Variants in ST6GALNAC3 observed in about 807,000 individuals in gnomAD.
ST6GALNAC3 encodes the protein ST6 N-acetylgalactosaminide alpha-2,6-sialyltransferase 3.
A neutral mutation model predicts 32.7 loss-of-function variants in ST6GALNAC3; 25 were observed. The ratio of observed to expected loss-of-function variants is 0.76; its 90% confidence interval spans 0.56 to 1.07. ST6GALNAC3 has a LOEUF of 1.07. Among genes scored for constraint, ST6GALNAC3 ranks in the 50% least tolerant of loss-of-function variants. The pLI is 0.00. For missense variants in ST6GALNAC3, 355 were observed against 382.4 expected, an observed-to-expected ratio of 0.93 and a Z score of 0.60; for synonymous variants, 129 against 133.1, an observed-to-expected ratio of 0.97 and a Z score of 0.21.
intron 3 of ST6GALNAC3, among the ~76,000 whole-genome samples, chr1:76,615,132 G>C (rs1177030757): frequency 6.6e-6 from 1 of 152,080 alleles, no homozygotes; most frequent in African/African-American, 2.4e-5. Context: ...CAATGATAAG[G>C]AGGGAGCTGA....
intron 3 of ST6GALNAC3, among the ~76,000 whole-genome samples, chr1:76,447,672 T>A (rs1657080642): frequency 6.6e-6 from 1 of 152,132 alleles, no homozygotes; most frequent in Admixed American, 6.5e-5. Context: ...GTGTTCCAGC[T>A]GCTCCAGCAT....
At chr1:76,561,710 G>A (rs1045078850) in intron 3 of ST6GALNAC3, among the ~76,000 whole-genome samples, 2 of 152,124 alleles carry the variant, frequency 1.3e-5, no homozygotes, top group Non-Finnish European at 1.5e-5. Context: ...ACATAGTCTA[G>A]CGGTTCCTTA....
intron 3 of ST6GALNAC3, among the ~76,000 whole-genome samples, chr1:76,484,953 G>C (rs952728513): frequency 1.3e-5 from 2 of 152,100 alleles, no homozygotes; most frequent in African/African-American, 4.8e-5. Flanking sequence ...TTTCGTCAAA[G>C]GCCTTTTCTG....
chr1:76,313,104 CAG>C (rs1204910951), intron 1 of ST6GALNAC3, among the ~76,000 whole-genome samples: 2 of 152,134 alleles, frequency 1.3e-5, no homozygotes, highest in East Asian at 3.9e-4. Context: ...ATAGCACAGG[CAG>C]AGTTTCCTAC....
chr1:76,085,158 T>G (rs1236193496), intron 1 of ST6GALNAC3, among the ~76,000 whole-genome samples: 1 of 152,174 alleles, frequency 6.6e-6, no homozygotes, highest in African/African-American at 2.4e-5. Flanking sequence ...AAATTCAAAT[T>G]TTTCACCCAT....
intron 3 of ST6GALNAC3, among the ~76,000 whole-genome samples, chr1:76,528,657 C>T (rs939297590): frequency 3.3e-5 from 5 of 151,516 alleles, no homozygotes; most frequent in African/African-American, 1.2e-4. Flanking sequence ...GTGTTTGTTG[C>T]CCTTGTTCAG....
chr1:76,317,631 T>A (rs1237850276), intron 2 of ST6GALNAC3, among the ~76,000 whole-genome samples: 3 of 152,136 alleles, frequency 2.0e-5, no homozygotes, highest in African/African-American at 7.2e-5. Flanking sequence ...CTAAACTTCT[T>A]AGTATTTTTT....
At chr1:76,466,443 G>A (rs368389958) in intron 3 of ST6GALNAC3, among the ~76,000 whole-genome samples, 1 of 152,002 alleles carries the variant, frequency 6.6e-6, no homozygotes, top group South Asian at 2.1e-4. Flanking sequence ...TAAAAACCAT[G>A]AGCAATTGCC....
At chr1:76,555,314 G>A (rs1376562524) in intron 3 of ST6GALNAC3, among the ~76,000 whole-genome samples, 1 of 152,134 alleles carries the variant, frequency 6.6e-6, no homozygotes, top group African/African-American at 2.4e-5. Context: ...CAAATGCAAA[G>A]TAGATACATA....
intron 1 of ST6GALNAC3, among the ~76,000 whole-genome samples, chr1:76,209,713 T>G (rs1655031278): frequency 6.6e-6 from 1 of 152,222 alleles, no homozygotes; most frequent in Admixed American, 6.5e-5. Context: ...AATTGACATT[T>G]GCTAGCATTT....
At chr1:76,572,279 A>C (rs1347723258) in intron 3 of ST6GALNAC3, among the ~76,000 whole-genome samples, 3 of 152,120 alleles carry the variant, frequency 2.0e-5, no homozygotes, top group African/African-American at 4.8e-5. Flanking sequence ...TTTTCTAATA[A>C]GAGAATATAG....
intron 3 of ST6GALNAC3, among the ~76,000 whole-genome samples, chr1:76,569,489 G>A (rs573226934): frequency 6.6e-6 from 1 of 152,212 alleles, no homozygotes; most frequent in South Asian, 2.1e-4. Flanking sequence ...AAGATGCCTG[G>A]GCAAATCAAA....
At chr1:76,390,760 T>C (rs1219563762) in intron 2 of ST6GALNAC3, among the ~76,000 whole-genome samples, 1 of 151,970 alleles carries the variant, frequency 6.6e-6, no homozygotes, top group Non-Finnish European at 1.5e-5. Flanking sequence ...TGTTTTCTCT[T>C]GCACATGTCC....
intron 2 of ST6GALNAC3, chr1:76,354,372 A>C (rs1343486200): frequency 1.3e-5 from 2 of 152,208 alleles, no homozygotes; most frequent in East Asian, 3.9e-4. Flanking sequence ...CAGCGCTATC[A>C]TGTCAGTTCC....
chr1:76,482,139 T>TACACAC (rs368648490), intron 3 of ST6GALNAC3, among the ~76,000 whole-genome samples: 4,264 of 147,092 alleles, frequency 0.029, 211 homozygotes, highest in African/African-American at 0.1. Flanking sequence ...AAATTTTCTT[T>TACACAC]ACACACACAC....
At chr1:76,183,861 T>TATATATATAC (rs1653351709) in intron 1 of ST6GALNAC3, among the ~76,000 whole-genome samples, 1 of 145,812 alleles carries the variant, frequency 6.9e-6, no homozygotes, top group African/African-American at 2.5e-5. Flanking sequence ...AATATATATA[T>TATATATATAC]ATATATATAT....
At chr1:76,457,474 C>T (rs1657912110) in intron 3 of ST6GALNAC3, among the ~76,000 whole-genome samples, 1 of 152,076 alleles carries the variant, frequency 6.6e-6, no homozygotes, top group Admixed American at 6.6e-5. Context: ...CTATACTATA[C>T]TACAAGTAAC....
intron 1 of ST6GALNAC3, among the ~76,000 whole-genome samples, chr1:76,174,488 C>T (rs560465990): frequency 1.0e-3 from 154 of 150,654 alleles, no homozygotes; most frequent in Middle Eastern, 3.4e-3. Flanking sequence ...TTTACATTTT[C>T]GTGAATTCTT....
At chr1:76,613,935 G>C (rs1648106774) in intron 3 of ST6GALNAC3, among the ~76,000 whole-genome samples, 1 of 152,194 alleles carries the variant, frequency 6.6e-6, no homozygotes, top group Non-Finnish European at 1.5e-5. Context: ...GTGGTGATTT[G>C]GGTTGGATTC....
Sources: allele counts gnomAD v4.1 joint callset (sites outside exome capture counted in the v4.1 genomes callset), GRCh38; gene constraint gnomAD v4.1.1; transcripts MANE v1.5; gene names NCBI Gene and HGNC (gene_info 2026-07-23, HGNC 2026-07-21).